CSMD3: variants seen among roughly 807,000 people sequenced by gnomAD.
CSMD3 encodes the protein CUB and Sushi multiple domains 3.
Under a neutral mutation model 435.2 loss-of-function variants are expected in CSMD3, and 177 were observed. That is an observed-to-expected ratio of 0.41 (90% CI 0.36 to 0.46). The LOEUF (loss-of-function observed/expected upper bound fraction) is 0.46. Among genes scored for constraint, CSMD3 ranks in the 20% least tolerant of loss-of-function variants. The probability of loss-of-function intolerance (pLI) is 0.34; values close to 1 mark genes in which losing one functional copy is unlikely to be tolerated. For missense variants in CSMD3, 4,265 were observed against 4,504.6 expected (o/e 0.95, Z 1.52); for synonymous variants, 1,656 against 1,520.5 (o/e 1.09, Z -2.07).
Position 112,346,172 on chromosome 8 carries a change from G to A in CSMD3, c.6367C>T (p.Leu2123Phe). 6.2e-7 allele frequency: 1 copy of A among 1,613,502 alleles called. No homozygotes were observed. Among genetic ancestry groups the A allele is most frequent in the Non-Finnish European group, 8.5e-7 (1 of 1,179,506 alleles). ...GAMSDFSGVILSPGFPGNYPS... is the reference protein window; with the variant it reads ...GAMSDFSGVIFSPGFPGNYPS... The stretch of plus-strand genomic sequence containing the variant: ...TAGTTTCCAGGAAACCCAGGACTGA[G>A]GATCACACCACTGAAGTCTGACATA... Residue 2123 changes from leucine to phenylalanine, a missense_variant, in exon 41 of 71, where the codon CTC becomes TTC. Around this residue, in one of 3 missense-constraint regions of CSMD3, gnomAD observed 3,255 missense variants for 3,380.2 expected, o/e 0.96. Coordinates refer to ENST00000297405, the MANE Select transcript of CSMD3 (RefSeq NM_198123.2).
At chr8:112,404,981 C>T (rs1015978282) in intron 35 of CSMD3, among the ~76,000 whole-genome samples, 1 of 150,534 alleles carries the variant, frequency 6.6e-6, no homozygotes, top group Non-Finnish European at 1.5e-5. Context: ...AGTTTGATAC[C>T]AGCCTAGACA....
At chr8:112,450,456 T>C (rs1190066156) in intron 32 of CSMD3, among the ~76,000 whole-genome samples, 4 of 152,202 alleles carry the variant, frequency 2.6e-5, no homozygotes, top group African/African-American at 9.6e-5. Flanking sequence ...ATTTGCTTGC[T>C]AAAATTAGTA....
intron 27 of CSMD3, among the ~76,000 whole-genome samples, chr8:112,533,631 A>C (rs1006922944): frequency 1.1e-4 from 17 of 152,084 alleles, no homozygotes; most frequent in Non-Finnish European, 2.1e-4. Flanking sequence ...GCAGATATTA[A>C]TACAGCTAAA....
chr8:112,675,387 C>T lies in CSMD3; in HGVS notation c.2677+7055G>A, dbSNP rs368364573. ...ATCTCCTTTATCTATAAAGCAGACCCATGAATGTATTACATCTAATCATAT... is the reference window on the plus strand; with the variant it reads ...ATCTCCTTTATCTATAAAGCAGACCTATGAATGTATTACATCTAATCATAT... On this transcript the variant is annotated intron_variant, in intron 16 of 70. Coordinates refer to ENST00000297405, the MANE Select transcript of CSMD3 (RefSeq NM_198123.2). 8.5e-5 allele frequency among the ~76,000 whole-genome samples: 13 copies of T among 152,048 alleles called. No homozygotes were observed. In the East Asian group the frequency reaches 1.7e-3, roughly 20 times the overall value.
At chr8:113,037,094 A>T (rs976268006) in intron 5 of CSMD3, among the ~76,000 whole-genome samples, 4 of 152,134 alleles carry the variant, frequency 2.6e-5, no homozygotes, top group Non-Finnish European at 5.9e-5. Context: ...GTGGCTGTGA[A>T]ACAGATGTAT....
chr8:112,983,321 A>AC (rs1328275049), intron 6 of CSMD3, among the ~76,000 whole-genome samples: 2 of 151,536 alleles, frequency 1.3e-5, no homozygotes, highest in East Asian at 3.9e-4. Flanking sequence ...TAAGTTTGGG[A>AC]CCTATGGAAG....
intron 22 of CSMD3, among the ~76,000 whole-genome samples, chr8:112,635,905 T>C (rs986202517): frequency 2.0e-5 from 3 of 152,156 alleles, no homozygotes; most frequent in Non-Finnish European, 4.4e-5. Context: ...TTTCCTGATT[T>C]TGTAGCATAT....
At chr8:113,289,413 T>C (rs1294808001) in intron 2 of CSMD3, among the ~76,000 whole-genome samples, 1 of 148,910 alleles carries the variant, frequency 6.7e-6, no homozygotes, top group East Asian at 2.0e-4. Flanking sequence ...ATCATTGCTA[T>C]GACTTTTGAT....
rs898440866 is a variant in CSMD3, at chr8:112,652,804, A to C, written c.3005-2455T>G. Among the ~76,000 whole-genome samples, 4 of 152,294 alleles carry C rather than the reference A, an allele frequency of 2.6e-5. No homozygotes were observed. The East Asian group carries it at 7.7e-4, about 29-fold the overall frequency. ...ACTGAATACTAAAACATAATTGGTA[A>C]GTAGCTTTAGAAGATTTTTTTTTTA... On this transcript the variant is annotated intron_variant, in intron 18 of 70. Transcript: ENST00000297405.
chr8:112,249,234 C>A (rs944600531), intron 63 of CSMD3, among the ~76,000 whole-genome samples: 1 of 151,992 alleles, frequency 6.6e-6, no homozygotes, highest in Non-Finnish European at 1.5e-5. Context: ...CCTTCTAAAT[C>A]CTTTTCAAAG....
chr8:112,803,830 A>G (rs1052770054), intron 12 of CSMD3, among the ~76,000 whole-genome samples: 1 of 152,152 alleles, frequency 6.6e-6, no homozygotes, highest in Non-Finnish European at 1.5e-5. Flanking sequence ...CATCCTCTGC[A>G]GCATGTTTTC....
intron 2 of CSMD3, among the ~76,000 whole-genome samples, chr8:113,296,067 T>C (rs1215553478): frequency 6.6e-6 from 1 of 151,666 alleles, no homozygotes; most frequent in Admixed American, 6.6e-5. Flanking sequence ...AAACATTGCA[T>C]GTTCTCACTC....
At chr8:112,247,325 T>C (rs368436085) in intron 63 of CSMD3, among the ~76,000 whole-genome samples, 194 bp from the exon 64 acceptor site, 57 of 152,260 alleles carry the variant, frequency 3.7e-4, no homozygotes, top group African/African-American at 1.3e-3. Context: ...GCTTTATTTG[T>C]TTACATATCA....
chr8:112,378,090 C>G (rs999108860), intron 38 of CSMD3, among the ~76,000 whole-genome samples: 1 of 151,772 alleles, frequency 6.6e-6, no homozygotes, highest in African/African-American at 2.4e-5. Context: ...ATCCTAAATG[C>G]AGAACAACAT....
chr8:112,381,985 T>C (rs4876471), intron 37 of CSMD3, among the ~76,000 whole-genome samples: 27,971 of 152,016 alleles, frequency 0.18, 3,086 homozygotes, highest in Middle Eastern at 0.35. Context: ...GTATTACAGA[T>C]GGGTATGGTG....
chr8:112,241,368 G>A (rs1439212285), intron 66 of CSMD3, among the ~76,000 whole-genome samples: 17 of 151,970 alleles, frequency 1.1e-4, no homozygotes, highest in Admixed American at 1.1e-3. Context: ...CATACCAAGT[G>A]TATTTGGATC....
At chr8:112,403,789 A>G (rs1225997637) in intron 35 of CSMD3, among the ~76,000 whole-genome samples, 1 of 152,120 alleles carries the variant, frequency 6.6e-6, no homozygotes, top group Non-Finnish European at 1.5e-5. Flanking sequence ...GAGGGAGAGA[A>G]TAAATATTCA....
At chr8:113,207,819 G>T (rs2092788768) in intron 3 of CSMD3, among the ~76,000 whole-genome samples, 1 of 152,090 alleles carries the variant, frequency 6.6e-6, no homozygotes, top group Non-Finnish European at 1.5e-5. Context: ...AACAACAAAA[G>T]AAAACAAGTA....
chr8:113,435,338 A>T (rs2094699132), intron 1 of CSMD3, among the ~76,000 whole-genome samples: 1 of 152,096 alleles, frequency 6.6e-6, no homozygotes, highest in African/African-American at 2.4e-5. Flanking sequence ...TGTAAATTAA[A>T]ATTCTAGACA....
Sources: gnomAD v4.1 joint callset for allele counts (sites outside exome capture counted in the v4.1 genomes callset) on GRCh38, gnomAD v4.1.1 for gene constraint, gnomAD v4.1.1 regional missense constraint, MANE v1.5 for transcripts, NCBI Gene and HGNC (gene_info 2026-07-23, HGNC 2026-07-21) for gene names.